The following ENTREP1 variants were observed in gnomAD, a reference collection of about 807,000 sequenced individuals.
The protein encoded by ENTREP1 is Friedreich ataxia region gene X123.
At chr9:69,360,600 C>A in the ENTREP1 span, among the ~76,000 whole-genome samples, 7 of 152,168 alleles carry the variant, frequency 4.6e-5, no homozygotes, top group Admixed American at 6.5e-5. Flanking sequence ...GTCCCTCTTC[C>A]ATATATTCAA....
At chr9:69,377,712 G>C in the ENTREP1 span, 49 of 1,613,856 alleles carry the variant, frequency 3.0e-5, no homozygotes, top group Middle Eastern at 1.7e-4. Flanking sequence ...ATTTTGCCAC[G>C]TTTTACTCGT....
At chr9:69,330,506 A>C in the ENTREP1 span, among the ~76,000 whole-genome samples, 1 of 152,218 alleles carries the variant, frequency 6.6e-6, no homozygotes, top group African/African-American at 2.4e-5. Context: ...AAAGAGACAG[A>C]CATTGGTGAA....
the ENTREP1 span, among the ~76,000 whole-genome samples, chr9:69,378,262 A>G: frequency 6.6e-6 from 1 of 152,204 alleles, no homozygotes; most frequent in Non-Finnish European, 1.5e-5. Flanking sequence ...TCAACAATCA[A>G]GAAATTCTTC....
At chr9:69,325,215 A>T in the ENTREP1 span, 2 of 1,033,750 alleles carry the variant, frequency 1.9e-6, no homozygotes, top group Non-Finnish European at 2.3e-6. Context: ...GCCCGTCTGC[A>T]GTGCCCAGTG....
the ENTREP1 span, chr9:69,392,158 C>G: frequency 6.8e-6 from 2 of 295,248 alleles, no homozygotes; most frequent in Admixed American, 4.6e-5. Context: ...TTGCTAAGTT[C>G]TTTCCCTCTT....
the ENTREP1 span, among the ~76,000 whole-genome samples, chr9:69,342,625 A>T: frequency 4.6e-5 from 7 of 152,250 alleles, no homozygotes; most frequent in African/African-American, 1.7e-4. Context: ...TGAGTGGCCA[A>T]GGAAATGATC....
chr9:69,363,255 G>A, the ENTREP1 span, among the ~76,000 whole-genome samples: 4 of 152,188 alleles, frequency 2.6e-5, 1 homozygote, highest in African/African-American at 9.7e-5. Context: ...TTTCTTGAGA[G>A]TAAACCCCAA....
At chr9:69,375,659 G>A in the ENTREP1 span, 10 of 1,160,702 alleles carry the variant, frequency 8.6e-6, no homozygotes, top group African/African-American at 1.5e-5. Flanking sequence ...CATTCTACAG[G>A]ATTGGTGCTC....
the ENTREP1 span, chr9:69,383,661 C>T: frequency 6.2e-7 from 1 of 1,614,148 alleles, no homozygotes; most frequent in Non-Finnish European, 8.5e-7. Context: ...TCCCCTGCCA[C>T]ACATCTACGG....
At chr9:69,388,409 C>T in the ENTREP1 span, 1 of 1,611,172 alleles carries the variant, frequency 6.2e-7, no homozygotes, top group South Asian at 1.1e-5. Context: ...TGATGAGGAG[C>T]ACATGGAGGA....
At chr9:69,325,192 C>T in the ENTREP1 span, 33 of 1,030,028 alleles carry the variant, frequency 3.2e-5, no homozygotes, top group Non-Finnish European at 3.7e-5. Context: ...CTTCCCTCCC[C>T]CTCGGCCTCG....
the ENTREP1 span, among the ~76,000 whole-genome samples, chr9:69,363,152 G>A: frequency 6.6e-6 from 1 of 152,082 alleles, no homozygotes; most frequent in Non-Finnish European, 1.5e-5. Context: ...GGCAATGTGG[G>A]GCAAGCCCTC....
the ENTREP1 span, among the ~76,000 whole-genome samples, chr9:69,358,925 A>G: frequency 0.45 from 58,328 of 128,428 alleles, 12,997 homozygotes; most frequent in African/African-American, 0.56. Flanking sequence ...TTTTTTTGAG[A>G]CGGAGTCTTA....
At chr9:69,370,656 G>A in the ENTREP1 span, among the ~76,000 whole-genome samples, 2 of 152,174 alleles carry the variant, frequency 1.3e-5, no homozygotes, top group East Asian at 3.8e-4. Context: ...ATGCTTTCAA[G>A]CTTGACTTGG....
chr9:69,376,795 A>C, the ENTREP1 span, among the ~76,000 whole-genome samples: 6 of 152,212 alleles, frequency 3.9e-5, no homozygotes, highest in African/African-American at 7.2e-5. Context: ...GACTGTACCA[A>C]CAGAAGCGTT....
At chr9:69,369,208 AT>A in the ENTREP1 span, among the ~76,000 whole-genome samples, 2 of 151,972 alleles carry the variant, frequency 1.3e-5, no homozygotes, top group Non-Finnish European at 2.9e-5. Flanking sequence ...TATGTGCCAC[AT>A]TTTCTTTATC....
chr9:69,373,409 T>C, the ENTREP1 span, among the ~76,000 whole-genome samples: 1 of 152,194 alleles, frequency 6.6e-6, no homozygotes, highest in Non-Finnish European at 1.5e-5. Flanking sequence ...GGGAATTATA[T>C]TTCATAATGT....
the ENTREP1 span, among the ~76,000 whole-genome samples, chr9:69,378,607 A>C: frequency 6.6e-6 from 1 of 151,984 alleles, no homozygotes; most frequent in East Asian, 1.9e-4. Context: ...AAATACAAAA[A>C]AATTAGCCGG....
the ENTREP1 span, among the ~76,000 whole-genome samples, chr9:69,369,408 A>G: frequency 3.9e-5 from 6 of 152,256 alleles, no homozygotes; most frequent in East Asian, 7.7e-4. Context: ...GAATCACCAC[A>G]CTGTCTTCCA....
Sources: gnomAD v4.1 joint callset for allele counts (sites outside exome capture counted in the v4.1 genomes callset) on GRCh38, gnomAD v4.1.1 for gene constraint, MANE v1.5 for transcripts, NCBI Gene and HGNC (gene_info 2026-07-23, HGNC 2026-07-21) for gene names.